The following NBEA variants were observed in gnomAD, a reference collection of about 807,000 sequenced individuals.
The protein encoded by NBEA is neurobeachin, also known as lysosomal-trafficking regulator 2.
NBEA carries 44 observed loss-of-function variants against 343.4 expected under a neutral mutation model. The ratio of observed to expected loss-of-function variants is 0.13; its 90% CI spans 0.10 to 0.16. NBEA has a LOEUF of 0.16. NBEA is among the 10% of genes least tolerant of loss of function. The pLI, the probability that NBEA is intolerant of heterozygous loss-of-function variation, is 1.00. For missense variants in NBEA, 2,555 were observed against 3,631.3 expected (o/e 0.70, Z 7.62); for synonymous variants, 1,175 against 1,238.7 (o/e 0.95, Z 1.08).
At chr13:35,298,429 C>T (rs1246111430) in intron 35 of NBEA, among the ~76,000 whole-genome samples, 2 of 151,148 alleles carry the variant, frequency 1.3e-5, no homozygotes, top group Non-Finnish European at 3.0e-5. Flanking sequence ...ATACTGGCTT[C>T]CACAACTATT....
intron 31 of NBEA, among the ~76,000 whole-genome samples, chr13:35,206,816 A>C (rs66509311): frequency 0.13 from 19,117 of 152,070 alleles, 1,342 homozygotes; most frequent in South Asian, 0.2. Flanking sequence ...AGAGTGGTCC[A>C]GTTTTCAAGC....
intron 17 of NBEA, 75 bp downstream of exon 17, chr13:35,123,649 G>A (rs1182559886): frequency 2.2e-6 from 2 of 901,108 alleles, no homozygotes; most frequent in Non-Finnish European, 3.0e-6. Context: ...TCTATGTAAT[G>A]TAGCATGAAA....
At position 35,098,318 on chromosome 13, in the gene NBEA, G is replaced by C. The variant is rs370440231; in HGVS notation, c.1593G>C (p.Leu531=). ...GCAGTGCTACTCTGTTGGCATTCCT[G>C]GTTGAACTACTTAAAAGTTCAGTAG... The part of the protein sequence containing the change: ...TTVCATLLAF[L]VELLKSSVAM... The change falls in exon 11 of 59, where the codon CTG becomes CTC. Residue 531 remains leucine (L), a synonymous_variant. Coordinates refer to ENST00000379939, the MANE Select transcript of NBEA (RefSeq NM_001385012.1). 1 of 1,586,460 alleles carries C rather than the reference G, an allele frequency of 6.3e-7. No individual in the cohort carries two copies. The highest frequency in any genetic ancestry group is 8.6e-7 in the Non-Finnish European group (1 of 1,164,530).
At chr13:35,530,735 G>A (rs542373478) in intron 41 of NBEA, among the ~76,000 whole-genome samples, 1 of 141,474 alleles carries the variant, frequency 7.1e-6, no homozygotes, top group South Asian at 2.2e-4. Context: ...CTATTTCCAT[G>A]GTGATCTGCA....
At chr13:35,477,654 T>C (rs1276178251) in intron 41 of NBEA, among the ~76,000 whole-genome samples, 2 of 152,202 alleles carry the variant, frequency 1.3e-5, no homozygotes, top group African/African-American at 4.8e-5. Context: ...TTTACAGATG[T>C]ATAATTAAGG....
At chr13:35,014,390 A>T (rs1012401922) in intron 1 of NBEA, among the ~76,000 whole-genome samples, 2 of 152,052 alleles carry the variant, frequency 1.3e-5, no homozygotes, top group African/African-American at 4.8e-5. Flanking sequence ...ATGTACTCTG[A>T]TGCCAAAGTT....
chr13:35,549,202 A>G (rs1226115222), intron 41 of NBEA, among the ~76,000 whole-genome samples: 1 of 152,234 alleles, frequency 6.6e-6, no homozygotes, highest in East Asian at 1.9e-4. Context: ...AAGGGTTACA[A>G]AATGGGATTT....
intron 44 of NBEA, among the ~76,000 whole-genome samples, chr13:35,558,566 C>T (rs12430361): frequency 0.055 from 8,346 of 152,190 alleles, 278 homozygotes; most frequent in South Asian, 0.091. Context: ...AAAAAAGTTT[C>T]ACTGTCATTT....
chr13:35,417,215 G>A (rs551255662), intron 38 of NBEA, among the ~76,000 whole-genome samples: 2 of 152,110 alleles, frequency 1.3e-5, no homozygotes, highest in South Asian at 4.2e-4. Flanking sequence ...TTTTTGAAGG[G>A]TTTTTTGTGT....
chr13:35,565,460 A>T (rs1566330374), intron 44 of NBEA, among the ~76,000 whole-genome samples: 1 of 152,130 alleles, frequency 6.6e-6, no homozygotes, highest in East Asian at 1.9e-4. Flanking sequence ...GATGATGAAC[A>T]AGATAATATC....
intron 1 of NBEA, among the ~76,000 whole-genome samples, chr13:34,998,741 A>G (rs1254428027): frequency 1.3e-5 from 2 of 151,962 alleles, no homozygotes; most frequent in Non-Finnish European, 2.9e-5. Flanking sequence ...AGATGCTCAG[A>G]TTTCATATTG....
At chr13:35,032,144 G>T (rs1385773550) in intron 1 of NBEA, among the ~76,000 whole-genome samples, 1 of 151,414 alleles carries the variant, frequency 6.6e-6, no homozygotes, top group Non-Finnish European at 1.5e-5. Context: ...AGAATAATTT[G>T]TATTCCTCTG....
At chr13:35,290,757 T>A (rs902710731) in intron 35 of NBEA, among the ~76,000 whole-genome samples, 1 of 151,092 alleles carries the variant, frequency 6.6e-6, no homozygotes, top group Non-Finnish European at 1.5e-5. Context: ...TAAAATATCT[T>A]AATTTATAAT....
At chr13:35,399,182 G>T (rs1594483154) in intron 38 of NBEA, among the ~76,000 whole-genome samples, 2 of 152,204 alleles carry the variant, frequency 1.3e-5, no homozygotes, top group East Asian at 1.9e-4. Context: ...TTAGGCTTTG[G>T]CTTAAGGAAA....
chr13:35,285,169 C>T (rs1303480288), intron 34 of NBEA, among the ~76,000 whole-genome samples: 1 of 152,106 alleles, frequency 6.6e-6, no homozygotes, highest in African/African-American at 2.4e-5. Context: ...GTGGCTCAAG[C>T]CTGTAATCCC....
intron 34 of NBEA, among the ~76,000 whole-genome samples, chr13:35,241,816 A>G (rs569605937): frequency 2.2e-4 from 33 of 151,998 alleles, no homozygotes; most frequent in Non-Finnish European, 1.5e-5. Context: ...ATCCATTGCT[A>G]TTTTGTTTGC....
chr13:35,477,693 G>A (rs1429459928), intron 41 of NBEA, among the ~76,000 whole-genome samples: 1 of 152,270 alleles, frequency 6.6e-6, no homozygotes, highest in East Asian at 1.9e-4. Flanking sequence ...GTGTCCTTAA[G>A]TGGTGACCTG....
chr13:35,539,677 G>A (rs1220598671), intron 41 of NBEA, among the ~76,000 whole-genome samples: 6 of 151,720 alleles, frequency 4.0e-5, no homozygotes, highest in Non-Finnish European at 7.4e-5. Flanking sequence ...AGCACTTTGG[G>A]AGGCTGAGGC....
intron 34 of NBEA, among the ~76,000 whole-genome samples, chr13:35,275,432 A>T (rs1254016502): frequency 2.0e-5 from 3 of 152,220 alleles, no homozygotes; most frequent in African/African-American, 4.8e-5. Flanking sequence ...ACCATTCAGG[A>T]CATAGGCATG....
Sources: gnomAD v4.1 joint callset for allele counts (sites outside exome capture counted in the v4.1 genomes callset) on GRCh38, gnomAD v4.1.1 for gene constraint, MANE v1.5 for transcripts, NCBI Gene and HGNC (gene_info 2026-07-23, HGNC 2026-07-21) for gene names.